Variants in EYA3 observed in about 807,000 individuals in gnomAD.
EYA3 encodes the protein protein phosphatase EYA3.
Under a neutral mutation model 80.0 loss-of-function variants are expected in EYA3, and 39 were observed. The observed-to-expected ratio is 0.49, with a 90% CI of 0.38 to 0.64. The LOEUF (loss-of-function observed/expected upper bound fraction) is 0.64. EYA3 is among the 30% of genes least tolerant of loss of function. EYA3 has a pLI of 0.00. For synonymous variants in EYA3, 206 were observed against 232.8 expected (o/e 0.88, Z 1.05); for missense variants, 523 against 676.1 (o/e 0.77, Z 2.51).
At chr1:27,983,813 G>A (rs548689474) in intron 16 of EYA3, among the ~76,000 whole-genome samples, 33 of 152,156 alleles carry the variant, frequency 2.2e-4, no homozygotes, top group African/African-American at 6.7e-4. Context: ...GTGCCACCAC[G>A]CCCAGCTAAT....
At chr1:28,040,726 G>A (rs1398802272) in intron 4 of EYA3, among the ~76,000 whole-genome samples, 2 of 152,082 alleles carry the variant, frequency 1.3e-5, no homozygotes, top group East Asian at 1.9e-4. Flanking sequence ...AGCTAAATTT[G>A]AGAGGCTGGA....
chr1:28,007,545 G>T (rs1301810409), intron 10 of EYA3, among the ~76,000 whole-genome samples: 6 of 151,804 alleles, frequency 4.0e-5, no homozygotes, highest in Non-Finnish European at 8.8e-5. Context: ...ATGTTGGTCA[G>T]GCCGGTCTTG....
rs546456031 is a variant in EYA3 at position 27,999,981 on chromosome 1, A to G, written c.1062T>C (p.His354=). The G allele has an allele frequency of 1.9e-6, 3 of 1,609,060 alleles. No homozygotes were observed. The South Asian group carries it at 3.3e-5, about 18-fold the overall frequency. The change falls in exon 12 of 18, where the codon CAT becomes CAC. Residue 354 remains histidine, a synonymous_variant. Coordinates refer to ENST00000373871, the MANE Select transcript of EYA3 (RefSeq NM_001990.4). The stretch of plus-strand genomic sequence containing the variant: ...TTACCTCTAAGTCATTGAAAAATAG[A>G]TGAGTATCAGCCACTTCAAAAATCA... ...EEMIFEVADT[H]LFFNDLEECD...
intron 6 of EYA3, among the ~76,000 whole-genome samples, chr1:28,034,879 G>A (rs921172828): frequency 2.6e-5 from 4 of 152,090 alleles, no homozygotes; most frequent in African/African-American, 7.2e-5. Flanking sequence ...CAGGGAAGGA[G>A]CAATGAAGCA....
chr1:28,008,837 A>G (rs1467257734), intron 10 of EYA3, among the ~76,000 whole-genome samples: 2 of 152,132 alleles, frequency 1.3e-5, no homozygotes, highest in South Asian at 2.1e-4. Flanking sequence ...CCAGCTACTC[A>G]GGAGGCTGAG....
rs1264147877 is a variant in EYA3 at position 28,048,446 on chromosome 1, A to G, written c.34-20T>C. 1 of 1,602,790 alleles carries G rather than the reference A, an allele frequency of 6.2e-7. No individual in the cohort carries two copies. Among genetic ancestry groups the G allele is most frequent in the African/African-American group, 1.3e-5 (1 of 74,628 alleles). ...TTTCACCTGCAAAAATAAATATACA[A>G]AGGTATCAATGTACTTGATCTGTTT... On this transcript the variant is annotated intron_variant, in intron 2 of 17. Coordinates refer to ENST00000373871, the MANE Select transcript of EYA3 (RefSeq NM_001990.4).
chr1:28,074,654 G>A (rs1346997741), intron 1 of EYA3, among the ~76,000 whole-genome samples: 1 of 151,754 alleles, frequency 6.6e-6, no homozygotes, highest in African/African-American at 2.4e-5. Context: ...TAAAGTCTTT[G>A]CCTAATACTA....
rs1309072298 is a variant in EYA3, at chr1:28,086,011, G to A, written c.-69+2513C>T. 3.3e-5 allele frequency among the ~76,000 whole-genome samples: 5 copies of A among 152,002 alleles called. No homozygotes were observed. In the East Asian group the frequency reaches 5.8e-4, roughly 18 times the overall value. On this transcript the variant is annotated intron_variant, in intron 1 of 17. Transcript: ENST00000373871. ...CACTCTTTGAAGGCAAAATGACTTCGGCTTTGGATTTTAAAATCCATGTCA... is the reference window on the plus strand; with the variant it reads ...CACTCTTTGAAGGCAAAATGACTTCAGCTTTGGATTTTAAAATCCATGTCA...
Position 27,997,375 on chromosome 1 carries a change from A to G in EYA3, c.1087T>C (p.Cys363Arg). The change falls in exon 13 of 18, where the codon TGT (cysteine) becomes CGT (arginine). Residue 363 changes from cysteine to arginine, a missense_variant. Coordinates refer to ENST00000373871, the MANE Select transcript of EYA3 (RefSeq NM_001990.4). ...ACATCTTCCACATGTACCTGGTCAC[A>G]CTCCTGTTAAAAGACAAAACATATT... ...THLFFNDLEE[C>R]DQVHVEDVAS... 6.2e-7 allele frequency: 1 copy of G among 1,613,940 alleles called. No homozygotes were observed. The highest frequency in any genetic ancestry group is 8.5e-7 in the Non-Finnish European group (1 of 1,179,860).
intron 1 of EYA3, among the ~76,000 whole-genome samples, chr1:28,073,548 T>C (rs2148936143): frequency 6.6e-6 from 1 of 151,916 alleles, no homozygotes; most frequent in African/African-American, 2.4e-5. Context: ...AATCCAACTG[T>C]CTCACCCCCA....
intron 16 of EYA3, among the ~76,000 whole-genome samples, chr1:27,983,918 G>A (rs897644002): frequency 1.3e-5 from 2 of 152,202 alleles, no homozygotes; most frequent in Admixed American, 6.5e-5. Flanking sequence ...GCCTCCCAAA[G>A]TGCTGGGATT....
At chr1:28,023,948 T>A (rs1642613912) in intron 7 of EYA3, among the ~76,000 whole-genome samples, 1 of 151,976 alleles carries the variant, frequency 6.6e-6, no homozygotes, top group Non-Finnish European at 1.5e-5. Context: ...TAATAAAAAA[T>A]AAAGTCTAGG....
In EYA3 at chr1:28,016,456, G is replaced by C. The variant is rs552719942; in HGVS notation, c.585+698C>G. Reference sequence around the variant, plus strand: ...AGGCAGGATAATCACTTGAACCTGAGAGGCAGAGGTTGCAGTGAGCCAAGA... The same window carrying C: ...AGGCAGGATAATCACTTGAACCTGACAGGCAGAGGTTGCAGTGAGCCAAGA... On this transcript the variant is annotated intron_variant, in intron 8 of 17. Transcript: ENST00000373871. Among the ~76,000 whole-genome samples the C allele has an allele frequency of 6.6e-5, 10 of 150,736 alleles. No individual in the cohort carries two copies. The South Asian group carries it at 2.1e-3, about 32-fold the overall frequency.
chr1:27,986,947 C>T (rs1401782450), intron 16 of EYA3, among the ~76,000 whole-genome samples: 2 of 152,108 alleles, frequency 1.3e-5, no homozygotes, highest in East Asian at 3.8e-4. Context: ...TGTGATCCAC[C>T]CACCTGAGCC....
chr1:28,033,065 C>G (rs368719409), intron 6 of EYA3, among the ~76,000 whole-genome samples: 1 of 152,074 alleles, frequency 6.6e-6, no homozygotes, highest in Non-Finnish European at 1.5e-5. Flanking sequence ...TAGTATACAG[C>G]TTATTATAGT....
chr1:28,046,902 C>T (rs1571887884), intron 3 of EYA3, among the ~76,000 whole-genome samples: 1 of 150,456 alleles, frequency 6.6e-6, no homozygotes, highest in Non-Finnish European at 1.5e-5. Flanking sequence ...GGATGGAGTT[C>T]AGTGGCGCAA....
chr1:28,049,755 G>A (rs552255346), intron 2 of EYA3, among the ~76,000 whole-genome samples: 2 of 152,112 alleles, frequency 1.3e-5, no homozygotes, highest in South Asian at 4.1e-4. Flanking sequence ...GAAACTATAA[G>A]GCTAAAGACA....
At chr1:28,004,803 T>G (rs1485647187) in intron 10 of EYA3, among the ~76,000 whole-genome samples, 4 of 151,480 alleles carry the variant, frequency 2.6e-5, no homozygotes, top group African/African-American at 9.7e-5. Context: ...AAAATAAACA[T>G]AAAGCTAGCA....
intron 17 of EYA3, among the ~76,000 whole-genome samples, chr1:27,976,772 C>T (rs1335119504): frequency 2.6e-5 from 4 of 152,148 alleles, no homozygotes; most frequent in Non-Finnish European, 4.4e-5. Flanking sequence ...GGCTGGAGTG[C>T]AGTGGCACGA....
Sources: allele counts gnomAD v4.1 joint callset (sites outside exome capture counted in the v4.1 genomes callset), GRCh38; gene constraint gnomAD v4.1.1; transcripts MANE v1.5; gene names NCBI Gene and HGNC (gene_info 2026-07-23, HGNC 2026-07-21).